Variants in CHRNB3 observed in about 807,000 individuals in gnomAD.
The protein encoded by CHRNB3 is neuronal acetylcholine receptor subunit beta-3.
In CHRNB3, 37 loss-of-function variants were observed where a neutral mutation model predicts 40.6. The observed-to-expected ratio is 0.91, with a 90% confidence interval of 0.70 to 1.20. CHRNB3 has a LOEUF of 1.20. CHRNB3 is among the 50% of genes most tolerant of loss of function. The pLI is 0.00. For synonymous variants in CHRNB3, 207 were observed against 207.1 expected (o/e 1.00, Z 0.00); for missense variants, 505 against 551.2 (o/e 0.92, Z 0.84).
At chr8:42,725,938 C>A in intron 3 of CHRNB3, 1 of 943,746 alleles carries the variant, frequency 1.1e-6, no homozygotes, top group African/African-American at 1.6e-5. Flanking sequence ...TAAACTCACG[C>A]CATCAATCCT....
At chr8:42,733,308 AGAAGAT>A (rs961131081) in intron 5 of CHRNB3, among the ~76,000 whole-genome samples, 15 of 152,058 alleles carry the variant, frequency 9.9e-5, no homozygotes, top group Admixed American at 2.0e-4. Flanking sequence ...AAAAAGAAAA[AGAAGAT>A]AAAAGAGAAG....
chr8:42,719,047 C>T (rs1816174653), intron 3 of CHRNB3, among the ~76,000 whole-genome samples: 1 of 152,112 alleles, frequency 6.6e-6, no homozygotes, highest in African/African-American at 2.4e-5. Flanking sequence ...TTGACGACGG[C>T]TTTGAGCATC....
At chr8:42,725,667 C>G in intron 3 of CHRNB3, 1 of 997,184 alleles carries the variant, frequency 1.0e-6, no homozygotes, top group Non-Finnish European at 1.6e-6. Context: ...GGAAAGGGCA[C>G]AAGAACCACG....
At chr8:42,723,872 A>T (rs1268888431) in intron 3 of CHRNB3, among the ~76,000 whole-genome samples, 1 of 152,114 alleles carries the variant, frequency 6.6e-6, no homozygotes, top group Non-Finnish European at 1.5e-5. Context: ...GATTACCTGA[A>T]GTCAGGAGTT....
intron 3 of CHRNB3, among the ~76,000 whole-genome samples, chr8:42,724,086 C>CA (rs968280183): frequency 5.4e-5 from 8 of 148,968 alleles, no homozygotes; most frequent in South Asian, 2.2e-4. Context: ...AACTCCATCT[C>CA]AAAAAAAAAG....
In CHRNB3 at chr8:42,704,654, C is replaced by T. The variant is rs146876108; in HGVS notation, c.53-4063C>T. 1.9e-3 allele frequency among the ~76,000 whole-genome samples: 294 copies of T among 152,204 alleles called. 1 individual carries two copies. The highest frequency in any genetic ancestry group is 6.5e-3 in the African/African-American group (272 of 41,548). ...CTCTCTTATGTGTCCAAAATTCTCCCGGCTCACAGTTGTCTGAGCTAATAG... is the reference window on the plus strand; with the variant it reads ...CTCTCTTATGTGTCCAAAATTCTCCTGGCTCACAGTTGTCTGAGCTAATAG... On this transcript the variant is annotated intron_variant, in intron 1 of 5. Transcript: ENST00000289957.
At chr8:42,708,352 G>A (rs1815953054) in intron 1 of CHRNB3, among the ~76,000 whole-genome samples, 1 of 152,102 alleles carries the variant, frequency 6.6e-6, no homozygotes, top group South Asian at 2.1e-4. Flanking sequence ...TGTAGTCCCA[G>A]GTACTCGAGA....
intron 3 of CHRNB3, among the ~76,000 whole-genome samples, chr8:42,712,092 A>G (rs951377273): frequency 2.0e-5 from 3 of 151,988 alleles, no homozygotes; most frequent in Non-Finnish European, 4.4e-5. Flanking sequence ...TCCCGGGTTC[A>G]AGCTATCCTC....
intron 5 of CHRNB3, among the ~76,000 whole-genome samples, chr8:42,734,418 G>T (rs370953175): frequency 1.2e-4 from 18 of 148,788 alleles, no homozygotes; most frequent in African/African-American, 3.7e-4. Flanking sequence ...ACTGATGAAA[G>T]AATTTTTTTT....
At chr8:42,729,095 A>G (rs1238860330) in intron 3 of CHRNB3, among the ~76,000 whole-genome samples, 1 of 152,132 alleles carries the variant, frequency 6.6e-6, no homozygotes, top group Non-Finnish European at 1.5e-5. Flanking sequence ...TCAGTTTCAT[A>G]TGCGTGATTT....
intron 3 of CHRNB3, among the ~76,000 whole-genome samples, chr8:42,720,033 C>T (rs1816189569): frequency 6.6e-6 from 1 of 151,890 alleles, no homozygotes; most frequent in South Asian, 2.1e-4. Flanking sequence ...TCCTTCCTGC[C>T]CCAGCACCTT....
chr8:42,722,787 C>A (rs1816241378), intron 3 of CHRNB3, among the ~76,000 whole-genome samples: 1 of 152,088 alleles, frequency 6.6e-6, no homozygotes, highest in Admixed American at 6.6e-5. Context: ...AGGCTGGTCT[C>A]AAACTCTTGG....
intron 1 of CHRNB3, among the ~76,000 whole-genome samples, chr8:42,700,885 T>C (rs1246083268): frequency 6.6e-6 from 1 of 152,042 alleles, no homozygotes; most frequent in African/African-American, 2.4e-5. Context: ...GATGTTGATA[T>C]GGAGGTGGGA....
chr8:42,697,428 C>T lies in CHRNB3; in HGVS notation c.-119C>T. ...TTTATTCCACTCCAGGTGTTGCTGT[C>T]CTCTTGGGTTCCACTTCGGATTTTG... On this transcript the variant is annotated 5_prime_UTR_variant, in exon 1 of 6. Transcript: ENST00000289957. 1 of 786,990 alleles carries T rather than the reference C, an allele frequency of 1.3e-6. No homozygotes were observed. The highest frequency in any genetic ancestry group is 1.5e-5 in the South Asian group (1 of 67,776). The allele number at this position is 786,990 out of a possible 1,614,324, so 48.8% of individuals were successfully genotyped here.
At chr8:42,724,510 A>G (rs1241400433) in intron 3 of CHRNB3, among the ~76,000 whole-genome samples, 1 of 152,122 alleles carries the variant, frequency 6.6e-6, no homozygotes, top group African/African-American at 2.4e-5. Context: ...GAATCTCCAG[A>G]TTCAATTATG....
At chr8:42,704,961 C>T (rs1815896299) in intron 1 of CHRNB3, among the ~76,000 whole-genome samples, 1 of 152,148 alleles carries the variant, frequency 6.6e-6, no homozygotes, top group African/African-American at 2.4e-5. Context: ...AATTTGGAGA[C>T]CAATAGTACA....
intron 3 of CHRNB3, among the ~76,000 whole-genome samples, chr8:42,729,671 C>T (rs143188097): frequency 7.8e-4 from 118 of 152,166 alleles, no homozygotes; most frequent in African/African-American, 2.4e-3. Flanking sequence ...CACTGGGCTC[C>T]GGGAAGCGTC....
chr8:42,732,287 C>G lies in CHRNB3; in HGVS notation c.980C>G (p.Thr327Arg). ...VINVHHRSSSTYHPMAPWVKR... is the reference protein window; with the variant it reads ...VINVHHRSSSRYHPMAPWVKR... ...AACGTTCACCACAGATCTTCTTCCA[C>G]GTACCACCCCATGGCCCCCTGGGTT... is the stretch of plus-strand genomic sequence containing the variant. Residue 327 changes from threonine (T) to arginine (R), a missense_variant, in exon 5 of 6, where the codon ACG becomes AGG. By Grantham distance (71) the Thr-to-Arg change is moderately conservative. Coordinates refer to ENST00000289957, the MANE Select transcript of CHRNB3 (RefSeq NM_000749.5). The G allele has an allele frequency of 1.2e-6, 2 of 1,607,848 alleles. No homozygotes were observed. Among genetic ancestry groups the G allele is most frequent in the Non-Finnish European group, 1.7e-6 (2 of 1,178,294 alleles).
At chr8:42,726,215 T>C (rs1816306901) in intron 3 of CHRNB3, 3 of 860,362 alleles carry the variant, frequency 3.5e-6, no homozygotes, top group Admixed American at 4.0e-5. Flanking sequence ...TTATCTTTGC[T>C]CTTGCTCTGC....
Sources: gnomAD v4.1 joint callset for allele counts (sites outside exome capture counted in the v4.1 genomes callset) on GRCh38, gnomAD v4.1.1 for gene constraint, MANE v1.5 for transcripts, NCBI Gene and HGNC (gene_info 2026-07-23, HGNC 2026-07-21) for gene names.